The following ZNF521 variants were observed in gnomAD, a reference collection of about 807,000 sequenced individuals.
ZNF521 encodes zinc finger protein 521.
In ZNF521, 14 loss-of-function variants were observed where a neutral mutation model predicts 105.5. The observed-to-expected ratio is 0.13, with a 90% CI of 0.09 to 0.21. The LOEUF (loss-of-function observed/expected upper bound fraction) is 0.21. Among genes scored for constraint, ZNF521 ranks in the 10% least tolerant of loss-of-function variants. ZNF521 has a pLI of 1.00. For missense variants in ZNF521, 1,233 were observed against 1,629.7 expected, an observed-to-expected ratio of 0.76 and a Z score of 4.19; for synonymous variants, 635 against 606.0, an observed-to-expected ratio of 1.05 and a Z score of -0.70.
chr18:25,110,684 T>TAAA lies in ZNF521; in HGVS notation c.3659-18606_3659-18604dup, dbSNP rs200568619. On this transcript the variant is annotated intron_variant, in intron 5 of 7. Transcript: ENST00000361524. Reference sequence around the variant, plus strand: ...ATCTTACTTTTGACTAGCCCAAAAGTAAAAAAAAAAAAAATTGTGTGTTTC... The same window carrying TAAA: ...ATCTTACTTTTGACTAGCCCAAAAGTAAAAAAAAAAAAAAAAATTGTGTGTTTC... Among the ~76,000 whole-genome samples the TAAA allele has an allele frequency of 4.6e-3, 653 of 142,754 alleles. 4 individuals are homozygous for TAAA. The highest frequency in any genetic ancestry group is 0.014 in the African/African-American group (538 of 39,476). The allele number at this position is 142,754 out of a possible 152,430, so 93.7% of individuals were successfully genotyped here. A position where few individuals can be genotyped will look rare whatever the true frequency, so the allele number is the denominator to read the frequency against.
chr18:25,315,974 G>GT (rs1912586904), intron 3 of ZNF521, among the ~76,000 whole-genome samples: 1 of 152,134 alleles, frequency 6.6e-6, no homozygotes, highest in South Asian at 2.1e-4. Context: ...TCAACAAGTT[G>GT]TAAGATAGCT....
chr18:25,231,068 A>T (rs1457233525), intron 3 of ZNF521, among the ~76,000 whole-genome samples: 1 of 152,182 alleles, frequency 6.6e-6, no homozygotes, highest in Admixed American at 6.5e-5. Flanking sequence ...CAGCAGCCTG[A>T]GTAAATAAAA....
At chr18:25,330,879 A>C (rs1489234546) in intron 2 of ZNF521, among the ~76,000 whole-genome samples, 1 of 152,220 alleles carries the variant, frequency 6.6e-6, no homozygotes, top group African/African-American at 2.4e-5. Flanking sequence ...GCAGCAGGGG[A>C]AAGAGATGAC....
At chr18:25,186,898 T>A (rs1336108018) in intron 5 of ZNF521, among the ~76,000 whole-genome samples, 12 of 84,858 alleles carry the variant, frequency 1.4e-4, no homozygotes, top group Non-Finnish European at 1.7e-4. Flanking sequence ...GGAAATAAAG[T>A]AATGCTAAAA....
chr18:25,292,632 T>C (rs1254101163), intron 3 of ZNF521, among the ~76,000 whole-genome samples: 2 of 152,158 alleles, frequency 1.3e-5, no homozygotes, highest in African/African-American at 2.4e-5. Context: ...TGGGTATGGA[T>C]AGTGGAAAGC....
At chr18:25,187,286 C>T (rs565380006) in intron 5 of ZNF521, among the ~76,000 whole-genome samples, 24 of 152,268 alleles carry the variant, frequency 1.6e-4, no homozygotes, top group Admixed American at 8.5e-4. Flanking sequence ...GGAAGACTTA[C>T]ATTTTTATGT....
intron 5 of ZNF521, among the ~76,000 whole-genome samples, chr18:25,130,946 AAATC>A (rs56985443): frequency 0.3 from 45,645 of 150,822 alleles, 7,776 homozygotes; most frequent in Non-Finnish European, 0.38. Flanking sequence ...CTGTCTCTAA[AAATC>A]AATCAATCAA....
intron 4 of ZNF521, among the ~76,000 whole-genome samples, chr18:25,199,294 G>T (rs2035953304): frequency 6.7e-6 from 1 of 148,966 alleles, no homozygotes; most frequent in Non-Finnish European, 1.5e-5. Context: ...ATTGTCATGG[G>T]AAAAAAAAAG....
At chr18:25,350,051 A>C (rs1285462239) in intron 2 of ZNF521, among the ~76,000 whole-genome samples, 3 of 151,680 alleles carry the variant, frequency 2.0e-5, no homozygotes, top group Non-Finnish European at 4.4e-5. Context: ...GAGGAGGAGG[A>C]GGCCGCCACG....
At chr18:25,328,366 C>G (rs80287313) in intron 2 of ZNF521, among the ~76,000 whole-genome samples, 1 of 150,166 alleles carries the variant, frequency 6.7e-6, no homozygotes, top group South Asian at 2.1e-4. Context: ...TGAAGGAGGA[C>G]GCTGAATGGG....
At chr18:25,285,997 T>G (rs1910689442) in intron 3 of ZNF521, among the ~76,000 whole-genome samples, 1 of 152,206 alleles carries the variant, frequency 6.6e-6, no homozygotes, top group African/African-American at 2.4e-5. Context: ...AGGGTATTAG[T>G]GATGTACGAC....
chr18:25,177,596 C>A, intron 5 of ZNF521, among the ~76,000 whole-genome samples: 1 of 151,452 alleles, frequency 6.6e-6, no homozygotes, highest in Non-Finnish European at 1.5e-5. Context: ...TACATGCACA[C>A]CTAGTAAGCA....
At chr18:25,329,763 T>C (rs1913447257) in intron 2 of ZNF521, among the ~76,000 whole-genome samples, 2 of 152,156 alleles carry the variant, frequency 1.3e-5, no homozygotes, top group Admixed American at 1.3e-4. Flanking sequence ...GAGTGAATGA[T>C]CTGATTGACA....
intron 3 of ZNF521, among the ~76,000 whole-genome samples, chr18:25,256,609 C>CTT (rs1908524138): frequency 6.6e-6 from 1 of 151,964 alleles, no homozygotes; most frequent in African/African-American, 2.4e-5. Context: ...ACGCTCAAGA[C>CTT]TTTAAGGCTT....
intron 5 of ZNF521, among the ~76,000 whole-genome samples, chr18:25,151,053 G>C (rs531384757): frequency 2.0e-5 from 3 of 151,814 alleles, no homozygotes; most frequent in African/African-American, 7.3e-5. Context: ...GCCTCCCAAA[G>C]TGCTGGGATC....
chr18:25,212,509 CAAAAAAAAAAAA>C (rs59178760), intron 4 of ZNF521, among the ~76,000 whole-genome samples: 3 of 21,698 alleles, frequency 1.4e-4, no homozygotes, highest in Non-Finnish European at 2.3e-4. Context: ...GACTTAGTCT[CAAAAAAAAAAAA>C]AAAAAAAAAA....
chr18:25,136,856 C>T (rs1241879801), intron 5 of ZNF521: 2 of 152,280 alleles, frequency 1.3e-5, no homozygotes, highest in East Asian at 3.9e-4. Context: ...TGAATTTGAA[C>T]TGTTAAACCA....
chr18:25,102,929 G>T (rs1488296525), intron 5 of ZNF521, among the ~76,000 whole-genome samples: 2 of 152,044 alleles, frequency 1.3e-5, no homozygotes, highest in African/African-American at 2.4e-5. Flanking sequence ...TGACGCCTTT[G>T]CTCCCTGACA....
At chr18:25,321,581 C>T (rs1277728578) in intron 3 of ZNF521, among the ~76,000 whole-genome samples, 1 of 152,090 alleles carries the variant, frequency 6.6e-6, no homozygotes, top group Non-Finnish European at 1.5e-5. Flanking sequence ...TTTATGGGAA[C>T]ACAAAAAAAT....
Sources: allele counts gnomAD v4.1 joint callset (sites outside exome capture counted in the v4.1 genomes callset), GRCh38; gene constraint gnomAD v4.1.1; transcripts MANE v1.5; gene names NCBI Gene and HGNC (gene_info 2026-07-23, HGNC 2026-07-21).